ZNF208: variants seen among roughly 807,000 people sequenced by gnomAD.
ZNF208 encodes zinc finger protein 208, also known as zinc finger protein 95.
In ZNF208, 10 loss-of-function variants were observed where a neutral mutation model predicts 12.1. That is an observed-to-expected ratio of 0.83 (90% confidence interval 0.51 to 1.40). The LOEUF (loss-of-function observed/expected upper bound fraction) is 1.40. Ranked by LOEUF, ZNF208 falls within the 40% of genes most tolerant of loss-of-function variation. The probability of loss-of-function intolerance (pLI) is 0.00; values close to 1 mark genes in which losing one functional copy is unlikely to be tolerated. For missense variants in ZNF208, 1,652 were observed against 1,485.0 expected (o/e 1.11, Z -1.85); for synonymous variants, 497 against 488.4 (o/e 1.02, Z -0.23).
At chr19:22,001,373 A>C (rs558396035) in intron 1 of ZNF208, among the ~76,000 whole-genome samples, 2 of 152,316 alleles carry the variant, frequency 1.3e-5, no homozygotes, top group East Asian at 1.9e-4. Flanking sequence ...TAGCCTACCA[A>C]CTAAATGAAG....
At chr19:21,947,040 T>C (rs1969824976) in intron 4 of ZNF208, among the ~76,000 whole-genome samples, 1 of 152,162 alleles carries the variant, frequency 6.6e-6, no homozygotes, top group Non-Finnish European at 1.5e-5. Flanking sequence ...TGAATGTTTT[T>C]ACAGCCTATG....
intron 1 of ZNF208, chr19:21,991,740 C>CA (rs555662605): frequency 0.044 from 3,216 of 73,426 alleles, 179 homozygotes; most frequent in African/African-American, 0.1. Context: ...AACTCCATCT[C>CA]AAAAAAAAAA....
chr19:22,009,644 G>A (rs1971106055), intron 1 of ZNF208: 1 of 151,756 alleles, frequency 6.6e-6, no homozygotes, highest in African/African-American at 2.4e-5. Flanking sequence ...CTACTTGGAA[G>A]TCTGAGGCAG....
Position 21,969,416 on chromosome 19 carries a change from T to C in ZNF208, c.*1775A>G, listed in dbSNP as rs964401013. 6.6e-6 allele frequency among the ~76,000 whole-genome samples: 1 copy of C among 152,192 alleles called. No homozygotes were observed. The highest frequency in any genetic ancestry group is 2.1e-4 in the South Asian group (1 of 4,834). ...TTTAGTTTTGGATTTTTTCCTATAC[T>C]CAGCAGTCTGATTTAGTGTAATATC... On this transcript the variant is annotated 3_prime_UTR_variant, in exon 4 of 4. Transcript: ENST00000397126.
At chr19:22,010,667 G>T in intron 1 of ZNF208, 125 bp downstream of exon 1, 1 of 1,466,374 alleles carries the variant, frequency 6.8e-7, no homozygotes, top group Non-Finnish European at 9.5e-7. Context: ...GGTCGAGCTA[G>T]GCAAGAACTC....
chr19:21,975,909 AAC>A (rs547717166), intron 3 of ZNF208, among the ~76,000 whole-genome samples: 7,329 of 105,350 alleles, frequency 0.07, 533 homozygotes, highest in African/African-American at 0.2. Flanking sequence ...GGGGAAAAAA[AAC>A]AACTTTCAAA....
At chr19:21,986,815 A>T in intron 3 of ZNF208, 1 of 381,798 alleles carries the variant, frequency 2.6e-6, no homozygotes, top group African/African-American at 2.1e-5. Context: ...AACCCCAAAG[A>T]TACAGAAACT....
Position 21,973,099 on chromosome 19 carries a change from G to A in ZNF208, c.1935C>T (p.Thr645=). 2 of 1,599,962 alleles carry A rather than the reference G, an allele frequency of 1.3e-6. No individual in the cohort carries two copies. The highest frequency in any genetic ancestry group is 2.2e-5 in the South Asian group (2 of 89,896). ...TAGTAAGGGTTGAGACCTTAATAAA[G>A]GTTTTGCCACATTCTTTACATTTGT... ...KPYKCKECGK[T]FIKVSTLTTH... The change falls in exon 4 of 4, where the codon ACC becomes ACT. Residue 645 remains threonine, a synonymous_variant. Coordinates refer to ENST00000397126, the MANE Select transcript of ZNF208 (RefSeq NM_007153.3).
intron 1 of ZNF208, among the ~76,000 whole-genome samples, chr19:21,995,702 G>T (rs529720774): frequency 6.6e-6 from 1 of 152,292 alleles, no homozygotes; most frequent in Non-Finnish European, 1.5e-5. Flanking sequence ...CTCTACTCCA[G>T]TATCACATTT....
At chr19:21,963,983 A>C (rs976733516), downstream of ZNF208, among the ~76,000 whole-genome samples, 20 of 151,952 alleles carry the variant, frequency 1.3e-4, no homozygotes, top group African/African-American at 4.8e-4. Context: ...AATAACTAAG[A>C]GTAAATTTCA....
At chr19:21,948,006 G>C (rs1262743206) in intron 4 of ZNF208, among the ~76,000 whole-genome samples, 4 of 152,104 alleles carry the variant, frequency 2.6e-5, no homozygotes, top group Admixed American at 6.6e-5. Flanking sequence ...CGCATCCATG[G>C]GTAACATCTA....
chr19:22,007,928 C>T (rs1422511026), intron 1 of ZNF208, among the ~76,000 whole-genome samples: 1 of 147,108 alleles, frequency 6.8e-6, no homozygotes, highest in African/African-American at 2.5e-5. Context: ...CACTTGAACT[C>T]GTGATGCAGA....
chr19:21,988,742 T>G (rs374424084), intron 2 of ZNF208, 41 bp downstream of exon 2: 1 of 1,609,306 alleles, frequency 6.2e-7, no homozygotes, highest in Non-Finnish European at 8.5e-7. Flanking sequence ...AAATGAAACC[T>G]GTAGTGTATA....
downstream of ZNF208, among the ~76,000 whole-genome samples, chr19:21,964,821 A>G (rs34170885): frequency 6.6e-6 from 1 of 151,874 alleles, no homozygotes; most frequent in South Asian, 2.1e-4. Context: ...TTTCTCAGTG[A>G]CTAAAAAAGA....
At chr19:21,978,998 T>C (rs1970485719) in intron 3 of ZNF208, among the ~76,000 whole-genome samples, 1 of 151,846 alleles carries the variant, frequency 6.6e-6, no homozygotes, top group African/African-American at 2.4e-5. Flanking sequence ...ATTAACTTAA[T>C]GAAATAAAGC....
At chr19:21,945,579 C>T (rs958846628) in intron 4 of ZNF208, among the ~76,000 whole-genome samples, 1 of 152,106 alleles carries the variant, frequency 6.6e-6, no homozygotes, top group Non-Finnish European at 1.5e-5. Context: ...TCTCATGTTT[C>T]ACCTTCACCA....
intron 4 of ZNF208, among the ~76,000 whole-genome samples, chr19:21,948,416 C>G (rs1298589922): frequency 6.6e-6 from 1 of 152,044 alleles, no homozygotes; most frequent in East Asian, 1.9e-4. Flanking sequence ...ATATAATTAC[C>G]AAAAGTTGAG....
chr19:21,959,980 A>G (rs1374839278), intron 4 of ZNF208, among the ~76,000 whole-genome samples: 2 of 152,198 alleles, frequency 1.3e-5, no homozygotes, highest in Non-Finnish European at 2.9e-5. Flanking sequence ...TTTAAATAAA[A>G]TAGAGTAAAA....
At chr19:21,994,636 T>A (rs368576997) in intron 1 of ZNF208, among the ~76,000 whole-genome samples, 1 of 152,098 alleles carries the variant, frequency 6.6e-6, no homozygotes, top group African/African-American at 2.4e-5. Context: ...AAATTTTATA[T>A]TACATACTAA....
Sources: allele counts gnomAD v4.1 joint callset (sites outside exome capture counted in the v4.1 genomes callset), GRCh38; gene constraint gnomAD v4.1.1; transcripts MANE v1.5; gene names NCBI Gene and HGNC (gene_info 2026-07-23, HGNC 2026-07-21).